Variants in IL1RAPL2 observed in about 807,000 individuals in gnomAD.
The protein encoded by IL1RAPL2 is X-linked interleukin-1 receptor accessory protein-like 2.
IL1RAPL2 carries 3 observed loss-of-function variants against 44.1 expected under a neutral mutation model. The observed-to-expected ratio is 0.07, with a 90% CI of 0.03 to 0.18. The LOEUF (loss-of-function observed/expected upper bound fraction) is 0.18, where lower values mean the gene tolerates loss of function less well. Ranked by LOEUF, IL1RAPL2 falls within the 10% of genes least tolerant of loss-of-function variation. IL1RAPL2 has a pLI of 1.00. For synonymous variants in IL1RAPL2, 181 were observed against 178.8 expected (o/e 1.01, Z -0.10); for missense variants, 391 against 496.4 (o/e 0.79, Z 2.02).
At position 105,219,513 on chromosome X, in the gene IL1RAPL2, G is replaced by A. The variant is rs377179572; in HGVS notation, c.357-14305G>A. 11 of 1,209,292 alleles carry A rather than the reference G, an allele frequency of 9.1e-6. No homozygotes were observed. The East Asian group carries it at 2.4e-4, about 26-fold the overall frequency. ...CCATGGAGGCAGCCCTGGCCTCCAC[G>A]TGGGGGAACTGGGTCTCCATGGGGG... is the stretch of plus-strand genomic sequence containing the variant. On this transcript the variant is annotated intron_variant, in intron 3 of 10. Transcript: ENST00000372582.
chrX:105,246,861 T>C (rs1479935625), intron 4 of IL1RAPL2, among the ~76,000 whole-genome samples: 1 of 111,279 alleles, frequency 9.0e-6, no homozygotes, highest in African/African-American at 3.3e-5. Flanking sequence ...TAGAAAGTGA[T>C]AATATGGCAC....
chrX:104,685,403 C>T (rs760519048), intron 2 of IL1RAPL2, among the ~76,000 whole-genome samples: 1 of 111,850 alleles, frequency 8.9e-6, no homozygotes, highest in African/African-American at 3.2e-5. Context: ...ATGTGGGTAC[C>T]TGTTCGGCCA....
intron 2 of IL1RAPL2, among the ~76,000 whole-genome samples, chrX:104,917,134 A>G (rs1053467003): frequency 1.8e-5 from 2 of 111,759 alleles, no homozygotes; most frequent in African/African-American, 6.5e-5. Flanking sequence ...GAATAGTTTC[A>G]GAAGGAATGG....
chrX:105,384,609 T>A (rs1407130004), intron 5 of IL1RAPL2, among the ~76,000 whole-genome samples: 2 of 111,293 alleles, frequency 1.8e-5, no homozygotes, highest in African/African-American at 6.5e-5. Context: ...TGTGGTTCCA[T>A]ATAAATTTTA....
chrX:105,526,761 G>A (rs1452708627), intron 6 of IL1RAPL2, among the ~76,000 whole-genome samples: 2 of 111,545 alleles, frequency 1.8e-5, no homozygotes, highest in South Asian at 3.7e-4. Context: ...TTAGGAGTGC[G>A]ATTAGACATC....
chrX:105,077,818 C>A (rs1185544117), intron 2 of IL1RAPL2, among the ~76,000 whole-genome samples: 1 of 111,960 alleles, frequency 8.9e-6, no homozygotes, highest in Non-Finnish European at 1.9e-5. Flanking sequence ...ACCCTTTCTT[C>A]CAGTTGATTG....
chrX:104,875,680 G>C (rs1030765534), intron 2 of IL1RAPL2, among the ~76,000 whole-genome samples: 2 of 111,654 alleles, frequency 1.8e-5, no homozygotes, highest in Non-Finnish European at 3.8e-5. Context: ...TTTGCTCAAA[G>C]ATCAACTTCT....
intron 2 of IL1RAPL2, among the ~76,000 whole-genome samples, chrX:104,676,157 T>G (rs1022961881): frequency 4.5e-5 from 5 of 110,711 alleles, no homozygotes; most frequent in East Asian, 5.7e-4. Flanking sequence ...GTTAGCTGGT[T>G]ATTTTGCTCG....
intron 5 of IL1RAPL2, among the ~76,000 whole-genome samples, chrX:105,298,695 A>G (rs993555115): frequency 4.5e-5 from 5 of 110,289 alleles, no homozygotes; most frequent in African/African-American, 1.7e-4. Flanking sequence ...TAGATGAGAT[A>G]ACCTCAGAAA....
intron 5 of IL1RAPL2, among the ~76,000 whole-genome samples, chrX:105,374,678 G>A (rs939302477): frequency 2.7e-5 from 3 of 111,089 alleles, no homozygotes; most frequent in Non-Finnish European, 5.7e-5. Context: ...GCCAGGCACG[G>A]TGGCTTATGC....
rs573889514 is a variant in IL1RAPL2, at chrX:105,538,339, T to A, written c.772+53952T>A. On this transcript the variant is annotated intron_variant, in intron 6 of 10. Coordinates refer to ENST00000372582, the MANE Select transcript of IL1RAPL2 (RefSeq NM_017416.2). ...GCATGAGCCACTGCGCCCGGCCAAT[T>A]TTCCCTTGTTTATTGGATCATTCCC... Among the ~76,000 whole-genome samples the A allele has an allele frequency of 1.1e-4, 12 of 110,417 alleles. 1 individual carries two copies. The highest frequency in any genetic ancestry group is 3.3e-4 in the African/African-American group (10 of 30,395).
chrX:105,696,230 T>C (rs975642576), intron 6 of IL1RAPL2, among the ~76,000 whole-genome samples: 8 of 111,876 alleles, frequency 7.2e-5, no homozygotes, highest in Non-Finnish European at 1.5e-4. Context: ...CAGTATCAAA[T>C]TGGTCATTTT....
chrX:104,779,519 G>A (rs1932758996), intron 2 of IL1RAPL2, among the ~76,000 whole-genome samples: 1 of 112,065 alleles, frequency 8.9e-6, no homozygotes, highest in Admixed American at 9.4e-5. Flanking sequence ...AGTGCCTAGG[G>A]CATCCTGCTT....
intron 2 of IL1RAPL2, among the ~76,000 whole-genome samples, chrX:105,155,783 A>G (rs910296819): frequency 1.6e-4 from 18 of 111,234 alleles, no homozygotes; most frequent in African/African-American, 5.2e-4. Context: ...GAAATTTGAT[A>G]AGGTTTCCTT....
chrX:105,200,773 G>A (rs1202594011), intron 3 of IL1RAPL2, among the ~76,000 whole-genome samples: 2 of 110,900 alleles, frequency 1.8e-5, no homozygotes, highest in Non-Finnish European at 3.8e-5. Flanking sequence ...TTCGCTGGGC[G>A]TGGTGGTGCA....
chrX:104,658,679 C>T (rs1326039939), intron 1 of IL1RAPL2, among the ~76,000 whole-genome samples: 2 of 112,027 alleles, frequency 1.8e-5, no homozygotes, highest in African/African-American at 6.5e-5. Flanking sequence ...ACTCTAAATC[C>T]AGTGGGAAGC....
intron 1 of IL1RAPL2, among the ~76,000 whole-genome samples, chrX:104,607,893 G>A (rs908980146): frequency 4.5e-5 from 5 of 111,797 alleles, no homozygotes; most frequent in African/African-American, 1.6e-4. Flanking sequence ...ACACCCAAAC[G>A]ATTATAAATC....
chrX:104,676,360 G>T (rs776969341), intron 2 of IL1RAPL2, among the ~76,000 whole-genome samples: 13 of 111,152 alleles, frequency 1.2e-4, no homozygotes, highest in Non-Finnish European at 2.3e-4. Context: ...CACTTATGAA[G>T]CTTAGTTTGG....
At chrX:105,275,869 G>T (rs1473374368) in intron 5 of IL1RAPL2, among the ~76,000 whole-genome samples, 1 of 111,166 alleles carries the variant, frequency 9.0e-6, no homozygotes, top group African/African-American at 3.3e-5. Context: ...CTGCCCCACT[G>T]TTACTCTGTT....
Sources: gnomAD v4.1 joint callset for allele counts (sites outside exome capture counted in the v4.1 genomes callset) on GRCh38, gnomAD v4.1.1 for gene constraint, MANE v1.5 for transcripts, NCBI Gene and HGNC (gene_info 2026-07-23, HGNC 2026-07-21) for gene names.